The following DENND3 variants were observed in gnomAD, a reference collection of about 807,000 sequenced individuals.
DENND3 encodes the protein DENN domain containing 3.
Under a neutral mutation model 135.1 loss-of-function variants are expected in DENND3, and 88 were observed. That is an observed-to-expected ratio of 0.65 (90% CI 0.55 to 0.78). The LOEUF (loss-of-function observed/expected upper bound fraction) is 0.78, where lower values mean the gene tolerates loss of function less well. Ranked by LOEUF, DENND3 falls within the 30% of genes least tolerant of loss-of-function variation. The probability of loss-of-function intolerance (pLI) is 0.00; values close to 1 mark genes in which losing one functional copy is unlikely to be tolerated. For missense variants in DENND3, 1,392 were observed against 1,688.4 expected (o/e 0.82, Z 3.08); for synonymous variants, 693 against 712.3 (o/e 0.97, Z 0.43).
Position 141,144,489 on chromosome 8 carries a change from C to T in DENND3, c.735+230C>T, listed in dbSNP as rs934376383. Among the ~76,000 whole-genome samples, 1 of 152,094 alleles carries T rather than the reference C, an allele frequency of 6.6e-6. No individual in the cohort carries two copies. Among genetic ancestry groups the T allele is most frequent in the Non-Finnish European group, 1.5e-5 (1 of 68,004 alleles). On this transcript the variant is annotated intron_variant, in intron 5 of 22. Transcript: ENST00000519811. This position sits in a 1 kb window ranked among gnomAD's most constrained non-coding sequence, Gnocchi z 4.4. ...TGACTGGCCAGAATGGAAGGGAGGT[C>T]AGACACGCCTGGTTATACCCTCTCC...
At chr8:141,176,966 G>A (rs772557963) in intron 15 of DENND3, 35 of 592,852 alleles carry the variant, frequency 5.9e-5, no homozygotes, top group Non-Finnish European at 9.3e-5. Context: ...ACGGTGCTAC[G>A]GAAGAGCATG....
chr8:141,160,407 T>G (rs932002190), intron 8 of DENND3, among the ~76,000 whole-genome samples: 15 of 152,120 alleles, frequency 9.9e-5, no homozygotes, highest in Non-Finnish European at 1.6e-4. Context: ...TTGAACTCCC[T>G]GACCTCAGGT....
At position 141,141,624 on chromosome 8, in the gene DENND3, G is replaced by C. The variant is rs1187556212; in HGVS notation, c.623+300G>C. ...ATGAAGCCACACTGTCGGAAGTAAG[G>C]TTGATGTTCAGGATTTTCATTTTGT... On this transcript the variant is annotated intron_variant, in intron 4 of 22. Transcript: ENST00000519811. This position sits in a 1 kb window ranked among gnomAD's most constrained non-coding sequence, Gnocchi z 5.3. 2.8e-6 allele frequency: 1 copy of C among 351,314 alleles called. No homozygotes were observed. Among genetic ancestry groups the C allele is most frequent in the Non-Finnish European group, 5.3e-6 (1 of 189,282 alleles). 21.8% of individuals were successfully genotyped at this position (351,314 alleles called of 1,614,324 possible).
intron 5 of DENND3, among the ~76,000 whole-genome samples, chr8:141,149,141 C>A (rs1004682580): frequency 6.6e-6 from 1 of 152,134 alleles, no homozygotes; most frequent in African/African-American, 2.4e-5. Flanking sequence ...AACTCCTGAC[C>A]TCAGGTGATC....
At chr8:141,169,198 A>G (rs964146534) in intron 13 of DENND3, among the ~76,000 whole-genome samples, 1 of 152,362 alleles carries the variant, frequency 6.6e-6, no homozygotes, top group East Asian at 1.9e-4. Context: ...GTCAGGTAAC[A>G]GCAGTGGTGA....
At chr8:141,179,538 G>A (rs898477804) in intron 16 of DENND3, among the ~76,000 whole-genome samples, 2 of 152,234 alleles carry the variant, frequency 1.3e-5, no homozygotes, top group Non-Finnish European at 2.9e-5. Flanking sequence ...CAGGACACAT[G>A]AGCCTGAGCT....
Position 141,155,920 on chromosome 8 carries a change from C to T in DENND3, c.1146C>T (p.Asn382=), listed in dbSNP as rs906565801. The T allele has an allele frequency of 5.6e-6, 9 of 1,612,650 alleles. No homozygotes were observed. The highest frequency in any genetic ancestry group is 1.7e-4 in the Middle Eastern group (1 of 6,056). The change falls in exon 8 of 23, where the codon AAC becomes AAT. Residue 382 remains asparagine, a synonymous_variant. Transcript: ENST00000519811. ...SITYSKSTDD[N]VDIPDVPLLA... ...CCTACTCCAAGTCCACGGACGATAA[C>T]GTGGACATTCCTGATGTCCCCCTCC...
At chr8:141,151,560 T>G in intron 6 of DENND3, 59 bp from the exon 7 acceptor site, 1 of 1,492,230 alleles carries the variant, frequency 6.7e-7, no homozygotes, top group Non-Finnish European at 9.3e-7. Context: ...AGCGAGACCC[T>G]GTCTGTATTT....
At position 141,141,443 on chromosome 8, in the gene DENND3, G is replaced by A. The variant is rs528252565; in HGVS notation, c.623+119G>A. On this transcript the variant is annotated intron_variant, in intron 4 of 22. Coordinates refer to ENST00000519811, the MANE Select transcript of DENND3 (RefSeq NM_001352890.3). The surrounding 1 kb of genome is among the most constrained non-coding windows in gnomAD (Gnocchi z 5.3). Reference sequence around the variant, plus strand: ...GGGGCAGCTCTCTGTTCCTCTCCTGGTGAGCCGGGGGACCGGGCGCTGGGG... The same window carrying A: ...GGGGCAGCTCTCTGTTCCTCTCCTGATGAGCCGGGGGACCGGGCGCTGGGG... 6.7e-4 allele frequency: 870 copies of A among 1,289,316 alleles called. 6 individuals carry two copies. In the African/African-American group the frequency reaches 0.012, roughly 18 times the overall value. The allele number at this position is 1,289,316 out of a possible 1,614,324, so 79.9% of individuals were successfully genotyped here. A position where few individuals can be genotyped will look rare whatever the true frequency, so the allele number is the denominator to read the frequency against.
At chr8:141,131,645 C>T (rs1281163178) in intron 1 of DENND3, among the ~76,000 whole-genome samples, 1 of 152,166 alleles carries the variant, frequency 6.6e-6, no homozygotes, top group South Asian at 2.1e-4. Context: ...CTGTTTTATT[C>T]CCTTAATAAT....
rs1589543544 is a variant in DENND3 at position 141,138,756 on chromosome 8, G to GA, written c.501+619_501+620insA. ...GTGTAAGTGGACTCATACAGCATGT[G>GA]GCCTGCTTGTCTGACTTCTTTCCCT... is the stretch of plus-strand genomic sequence containing the variant. On this transcript the variant is annotated intron_variant, in intron 3 of 22. Transcript: ENST00000519811. This position sits in a 1 kb window ranked among gnomAD's most constrained non-coding sequence, Gnocchi z 4.8. Among the ~76,000 whole-genome samples the GA allele has an allele frequency of 6.6e-6, 1 of 152,196 alleles. No individual in the cohort carries two copies. Among genetic ancestry groups the GA allele is most frequent in the East Asian group, 1.9e-4 (1 of 5,188 alleles).
chr8:141,176,588 C>T lies in DENND3; in HGVS notation c.2536-3C>T. 6.2e-7 allele frequency: 1 copy of T among 1,614,238 alleles called. No homozygotes were observed. The highest frequency in any genetic ancestry group is 2.2e-5 in the East Asian group (1 of 44,890). ...TCCTAACTTTTCTTTTCTGCCTCTG[C>T]AGGAGGTCAGGAGAACCACTACTAC... On this transcript the variant is annotated splice_region_variant and splice_polypyrimidine_tract_variant and intron_variant, in intron 14 of 22. Transcript: ENST00000519811.
chr8:141,181,475 G>A (rs74690634), intron 17 of DENND3, among the ~76,000 whole-genome samples: 3,014 of 152,294 alleles, frequency 0.02, 112 homozygotes, highest in African/African-American at 0.068. Flanking sequence ...GGCCCTGAGC[G>A]GCCCTGAGTG....
At chr8:141,134,792 C>T (rs970454462) in intron 1 of DENND3, among the ~76,000 whole-genome samples, 1 of 152,146 alleles carries the variant, frequency 6.6e-6, no homozygotes, top group Non-Finnish European at 1.5e-5. Flanking sequence ...GTTGGCTGTG[C>T]GTTTTCTGTC....
intron 9 of DENND3, among the ~76,000 whole-genome samples, chr8:141,162,657 C>T (rs549450070): frequency 6.6e-4 from 101 of 152,060 alleles, no homozygotes; most frequent in Non-Finnish European, 1.1e-3. Flanking sequence ...TGAAGTGGGC[C>T]GGGCTCGGTG....
At chr8:141,190,261 G>A in intron 19 of DENND3, 23 bp from the exon 20 acceptor site, 1 of 1,569,142 alleles carries the variant, frequency 6.4e-7, no homozygotes, top group Non-Finnish European at 8.7e-7. Flanking sequence ...TTAAAGGTGT[G>A]TGTGTGTGTT....
intron 13 of DENND3, among the ~76,000 whole-genome samples, chr8:141,169,302 G>C (rs915669153): frequency 6.6e-6 from 1 of 152,274 alleles, no homozygotes; most frequent in Non-Finnish European, 1.5e-5. Flanking sequence ...TGTGGTTGGC[G>C]GGGCCCTTAG....
chr8:141,180,605 T>C (rs1186342693), intron 16 of DENND3, 142 bp from the exon 17 acceptor site: 3 of 747,880 alleles, frequency 4.0e-6, no homozygotes, highest in Admixed American at 2.7e-5. Context: ...GTGCCCCGGG[T>C]CCAAGAGACC....
intron 13 of DENND3, among the ~76,000 whole-genome samples, chr8:141,169,088 C>A (rs1821162205): frequency 6.6e-6 from 1 of 152,250 alleles, no homozygotes; most frequent in Non-Finnish European, 1.5e-5. Context: ...AAACTCCTGA[C>A]CTCAAGGTGA....
Sources: allele counts gnomAD v4.1 joint callset (sites outside exome capture counted in the v4.1 genomes callset), GRCh38; gene constraint gnomAD v4.1.1; non-coding constraint Gnocchi (gnomAD v3.1); transcripts MANE v1.5; gene names NCBI Gene and HGNC (gene_info 2026-07-23, HGNC 2026-07-21).